Variants in ANXA4 observed in about 807,000 individuals in gnomAD.
ANXA4 encodes the protein annexin A4.
A neutral mutation model predicts 49.8 loss-of-function variants in ANXA4; 39 were observed. That is an observed-to-expected ratio of 0.78 (90% CI 0.61 to 1.02). The LOEUF is 1.02. Among genes scored for constraint, ANXA4 ranks in the 50% least tolerant of loss-of-function variants. ANXA4 has a pLI of 0.00. For missense variants in ANXA4, 360 were observed against 410.1 expected (o/e 0.88, Z 1.05); for synonymous variants, 134 against 152.5 (o/e 0.88, Z 0.89).
At chr2:69,806,329 A>G (rs759818548) in intron 4 of ANXA4, 56 bp from the exon 5 acceptor site, 8 of 1,287,634 alleles carry the variant, frequency 6.2e-6, no homozygotes, top group Non-Finnish European at 7.9e-6. Context: ...ACACCTGGAG[A>G]GTAGCTGGTC....
chr2:69,704,000 C>T (rs1678413395), intron 2 of ANXA4, among the ~76,000 whole-genome samples: 1 of 151,998 alleles, frequency 6.6e-6, no homozygotes, highest in Admixed American at 6.6e-5. Context: ...AACTGCCTCC[C>T]CTCCCCTAAT....
intron 2 of ANXA4, among the ~76,000 whole-genome samples, chr2:69,786,733 T>G (rs1672430594): frequency 6.6e-6 from 1 of 152,158 alleles, no homozygotes; most frequent in African/African-American, 2.4e-5. Context: ...TTTGTCTTTG[T>G]TTTTTTGAGA....
chr2:69,657,026 T>G (rs1328239078), intron 2 of ANXA4, among the ~76,000 whole-genome samples: 2 of 148,828 alleles, frequency 1.3e-5, no homozygotes, highest in Non-Finnish European at 3.0e-5. Flanking sequence ...AGGTGGAGTC[T>G]CTCTGTCACC....
At chr2:69,741,676 G>A (rs1001242092), upstream of ANXA4, among the ~76,000 whole-genome samples, 8 of 152,260 alleles carry the variant, frequency 5.3e-5, no homozygotes, top group African/African-American at 1.9e-4. Context: ...GAGGTGGGGG[G>A]AAGCGCGGAT....
intron 1 of ANXA4, among the ~76,000 whole-genome samples, chr2:69,745,678 A>G (rs1031211238): frequency 2.6e-5 from 4 of 151,580 alleles, no homozygotes; most frequent in Non-Finnish European, 5.9e-5. Context: ...CTACAGGTGC[A>G]TGCTACCACA....
chr2:69,737,579 G>C (rs910266450), upstream of ANXA4, among the ~76,000 whole-genome samples: 1 of 151,942 alleles, frequency 6.6e-6, no homozygotes, highest in African/African-American at 2.4e-5. Flanking sequence ...GGTTCTATGA[G>C]TGTTCCTTTT....
chr2:69,802,192 T>C (rs966643460), intron 3 of ANXA4, among the ~76,000 whole-genome samples: 2 of 151,772 alleles, frequency 1.3e-5, no homozygotes, highest in African/African-American at 4.8e-5. Context: ...ATTGTGAGAG[T>C]TTTTCTTTTT....
chr2:69,650,823 G>C (rs1676205877), intron 1 of ANXA4, among the ~76,000 whole-genome samples: 1 of 152,158 alleles, frequency 6.6e-6, no homozygotes, highest in African/African-American at 2.4e-5. Context: ...CTGAGTTTGT[G>C]CAGTTTAAAA....
intron 1 of ANXA4, among the ~76,000 whole-genome samples, chr2:69,743,612 C>T (rs1476822125): frequency 3.9e-5 from 6 of 152,094 alleles, no homozygotes; most frequent in African/African-American, 1.4e-4. Context: ...AAACGGATAA[C>T]CCCATGACCC....
At chr2:69,724,464 C>G (rs1669906192) in intron 3 of ANXA4, among the ~76,000 whole-genome samples, 1 of 152,210 alleles carries the variant, frequency 6.6e-6, no homozygotes, top group Non-Finnish European at 1.5e-5. Context: ...ATACGTCAGG[C>G]AGGTATGGGC....
intron 2 of ANXA4, among the ~76,000 whole-genome samples, chr2:69,658,975 C>T (rs1676612089): frequency 6.6e-6 from 1 of 152,292 alleles, no homozygotes; most frequent in Non-Finnish European, 1.5e-5. Context: ...GGATTACAGG[C>T]GTGAGCCACT....
At chr2:69,646,970 T>C (rs1388263536) in intron 1 of ANXA4, among the ~76,000 whole-genome samples, 1 of 152,250 alleles carries the variant, frequency 6.6e-6, no homozygotes, top group East Asian at 1.9e-4. Flanking sequence ...CTGAGTGTCT[T>C]CATGTCCTTT....
At chr2:69,677,260 T>C (rs1437605186) in intron 2 of ANXA4, among the ~76,000 whole-genome samples, 5 of 152,192 alleles carry the variant, frequency 3.3e-5, no homozygotes, top group Non-Finnish European at 1.5e-5. Flanking sequence ...AGACAGAGTC[T>C]CACTCTGTTG....
At chr2:69,813,778 G>A (rs1212279742) in intron 8 of ANXA4, among the ~76,000 whole-genome samples, 1 of 55,762 alleles carries the variant, frequency 1.8e-5, no homozygotes, top group Non-Finnish European at 3.4e-5. Flanking sequence ...TTTTTTTTTT[G>A]AGACAGGGTC....
chr2:69,815,117 T>A (rs1324676686), intron 8 of ANXA4: 1 of 152,238 alleles, frequency 6.6e-6, no homozygotes, highest in East Asian at 1.9e-4. Context: ...CTCCTCCATA[T>A]TGGATCATCC....
At chr2:69,686,275 C>A (rs1373238362) in intron 2 of ANXA4, among the ~76,000 whole-genome samples, 1 of 152,070 alleles carries the variant, frequency 6.6e-6, no homozygotes, top group African/African-American at 2.4e-5. Flanking sequence ...ACCTCTGCCT[C>A]CTGGGTTCAA....
At chr2:69,649,603 CTTTTTTTTTT>C (rs766975640) in intron 1 of ANXA4, among the ~76,000 whole-genome samples, 2 of 70,670 alleles carry the variant, frequency 2.8e-5, no homozygotes, top group East Asian at 4.0e-4. Context: ...GATTTTCTTT[CTTTTTTTTTT>C]TTTTTTTTTT....
intron 3 of ANXA4, among the ~76,000 whole-genome samples, chr2:69,793,826 G>T (rs1347022845): frequency 6.8e-6 from 1 of 147,896 alleles, no homozygotes; most frequent in African/African-American, 2.5e-5. Flanking sequence ...AGAGTGGCAA[G>T]ACACAGTAAA....
chr2:69,682,376 T>C (rs1677631447), intron 2 of ANXA4, among the ~76,000 whole-genome samples: 2 of 152,342 alleles, frequency 1.3e-5, no homozygotes, highest in East Asian at 3.9e-4. Context: ...GTGGAATCTA[T>C]TGAGTTTTAC....
Sources: allele counts gnomAD v4.1 joint callset (sites outside exome capture counted in the v4.1 genomes callset), GRCh38; gene constraint gnomAD v4.1.1; transcripts MANE v1.5; gene names NCBI Gene and HGNC (gene_info 2026-07-23, HGNC 2026-07-21).